PRELID2: variants seen among roughly 807,000 people sequenced by gnomAD.
PRELID2 encodes the protein PRELI domain-containing protein 2.
A neutral mutation model predicts 28.4 loss-of-function variants in PRELID2; 25 were observed. That is an observed-to-expected ratio of 0.88 (90% CI 0.64 to 1.23). The LOEUF is 1.23. Among genes scored for constraint, PRELID2 ranks in the 50% most tolerant of loss-of-function variants. PRELID2 has a pLI of 0.00. For synonymous variants in PRELID2, 76 were observed against 71.6 expected, an observed-to-expected ratio of 1.06 and a Z score of -0.31; for missense variants, 201 against 214.4, an observed-to-expected ratio of 0.94 and a Z score of 0.39.
intron 1 of PRELID2, 56 bp downstream of exon 1, chr5:145,835,117 GGAGA>G (rs1755850949): frequency 8.4e-7 from 1 of 1,196,454 alleles, no homozygotes; most frequent in African/African-American, 1.5e-5. Context: ...ATGAAGGAGA[GGAGA>G]GAGGGGCAAG....
chr5:145,292,510 G>C, the PRELID2 span, among the ~76,000 whole-genome samples: 6 of 152,072 alleles, frequency 3.9e-5, no homozygotes, highest in Non-Finnish European at 8.8e-5. Flanking sequence ...ACTCCAAGCA[G>C]AGTCTCTCAC....
At chr5:145,752,541 G>C (rs1378924754), downstream of PRELID2, among the ~76,000 whole-genome samples, 1 of 152,148 alleles carries the variant, frequency 6.6e-6, no homozygotes, top group Non-Finnish European at 1.5e-5. Flanking sequence ...GAGACGGATT[G>C]AATTGAACAC....
chr5:145,688,164 G>A (rs1755073359), intron 1 of PRELID2, among the ~76,000 whole-genome samples: 1 of 152,220 alleles, frequency 6.6e-6, no homozygotes, highest in African/African-American at 2.4e-5. Flanking sequence ...TGGTGAATCA[G>A]TAGCTGATCC....
chr5:145,563,740 A>G (rs1752942693), intron 1 of PRELID2, among the ~76,000 whole-genome samples: 1 of 152,242 alleles, frequency 6.6e-6, no homozygotes, highest in Non-Finnish European at 1.5e-5. Context: ...AATAGACCCA[A>G]GCTGAGAGAA....
chr5:145,684,399 C>T (rs1252001843), intron 1 of PRELID2, among the ~76,000 whole-genome samples: 1 of 152,108 alleles, frequency 6.6e-6, no homozygotes, highest in East Asian at 1.9e-4. Context: ...CTTTTGTTAT[C>T]CTGTGTTGTT....
chr5:145,736,489 T>C (rs1042248087), intron 1 of PRELID2, among the ~76,000 whole-genome samples: 2 of 152,186 alleles, frequency 1.3e-5, no homozygotes, highest in Admixed American at 1.3e-4. Flanking sequence ...TATATAAAAT[T>C]AGTCATAATG....
the PRELID2 span, among the ~76,000 whole-genome samples, chr5:145,349,825 A>C: frequency 6.6e-6 from 1 of 152,192 alleles, no homozygotes; most frequent in Non-Finnish European, 1.5e-5. Context: ...AATAAGGAAT[A>C]CTGCATATCA....
At chr5:145,522,704 G>A (rs1199219482) in intron 1 of PRELID2, among the ~76,000 whole-genome samples, 1 of 151,948 alleles carries the variant, frequency 6.6e-6, no homozygotes, top group Non-Finnish European at 1.5e-5. Context: ...CGACATTGCT[G>A]GGGAAGATAC....
At position 145,758,952 on chromosome 5, in the gene PRELID2, T is replaced by G. The variant is rs148507055; in HGVS notation, c.*1584A>C. 123 of 151,378 alleles carry G rather than the reference T, an allele frequency of 8.1e-4. No homozygotes were observed. Among genetic ancestry groups the G allele is most frequent in the African/African-American group, 2.8e-3 (117 of 41,308 alleles). 9.4% of individuals were successfully genotyped at this position (151,378 alleles called of 1,614,324 possible). ...ATTAAGTGGAAAAATTTTCAGACAT[T>G]TTAAAAAAAAATTTCCCCAAGACTC... is the stretch of plus-strand genomic sequence containing the variant. On this transcript the variant is annotated 3_prime_UTR_variant, in exon 7 of 7. Transcript: ENST00000683046.
intron 2 of PRELID2, 88 bp downstream of exon 2, chr5:145,822,989 A>G (rs1754932416): frequency 2.9e-6 from 2 of 684,256 alleles, no homozygotes; most frequent in Non-Finnish European, 5.2e-6. Flanking sequence ...AAAAAAACCT[A>G]ATAGGCCACA....
At chr5:145,465,875 G>T in the PRELID2 span, among the ~76,000 whole-genome samples, 755 of 152,228 alleles carry the variant, frequency 5.0e-3, 9 homozygotes, top group African/African-American at 0.017. Flanking sequence ...AGCCTTGAAG[G>T]TTTCAAACTT....
the PRELID2 span, among the ~76,000 whole-genome samples, chr5:145,316,084 A>T: frequency 1.3e-5 from 2 of 152,186 alleles, no homozygotes; most frequent in Non-Finnish European, 2.9e-5. Context: ...AATGTCAGAT[A>T]TGTAGCTTGA....
intron 4 of PRELID2, among the ~76,000 whole-genome samples, chr5:145,799,896 A>G (rs924463161): frequency 6.6e-6 from 1 of 152,174 alleles, no homozygotes; most frequent in African/African-American, 2.4e-5. Context: ...CTTTTAGGCA[A>G]TCTCCTATTC....
intron 5 of PRELID2, among the ~76,000 whole-genome samples, chr5:145,775,711 T>C (rs891744134): frequency 1.3e-5 from 2 of 152,212 alleles, no homozygotes; most frequent in Non-Finnish European, 2.9e-5. Flanking sequence ...TCATCATTTC[T>C]TGGGGACAAA....
chr5:145,688,040 C>A (rs1176753706), intron 1 of PRELID2, among the ~76,000 whole-genome samples: 3 of 152,214 alleles, frequency 2.0e-5, no homozygotes, highest in African/African-American at 4.8e-5. Flanking sequence ...CAATGCCTCT[C>A]ATTGGCATCC....
chr5:145,396,805 A>G, the PRELID2 span, among the ~76,000 whole-genome samples: 8 of 150,226 alleles, frequency 5.3e-5, no homozygotes, highest in Non-Finnish European at 1.0e-4. Context: ...AGACTCAATA[A>G]CACGGGTGGA....
chr5:145,703,001 C>T (rs1755445156), intron 1 of PRELID2, among the ~76,000 whole-genome samples: 1 of 152,196 alleles, frequency 6.6e-6, no homozygotes. Flanking sequence ...AATTACTCAA[C>T]TCTCAACCCT....
the PRELID2 span, among the ~76,000 whole-genome samples, chr5:145,448,027 G>T: frequency 6.6e-6 from 1 of 152,022 alleles, no homozygotes; most frequent in African/African-American, 2.4e-5. Flanking sequence ...TCTAGTTCTA[G>T]ATCCCTGAGG....
the PRELID2 span, among the ~76,000 whole-genome samples, chr5:145,397,915 C>T: frequency 2.6e-5 from 4 of 152,080 alleles, no homozygotes; most frequent in African/African-American, 9.7e-5. Context: ...CTGAAGGATA[C>T]ATCATGCCTG....
Sources: gnomAD v4.1 joint callset for allele counts (sites outside exome capture counted in the v4.1 genomes callset) on GRCh38, gnomAD v4.1.1 for gene constraint, MANE v1.5 for transcripts, NCBI Gene and HGNC (gene_info 2026-07-23, HGNC 2026-07-21) for gene names.